The following TBC1D5 variants were observed in gnomAD, a reference collection of about 807,000 sequenced individuals.
TBC1D5 encodes TBC1 domain family, member 5.
TBC1D5 carries 75 observed loss-of-function variants against 100.3 expected under a neutral mutation model. The ratio of observed to expected loss-of-function variants is 0.75; its 90% confidence interval spans 0.62 to 0.91. The LOEUF (loss-of-function observed/expected upper bound fraction) is 0.91, where lower values mean the gene tolerates loss of function less well. Among genes scored for constraint, TBC1D5 ranks in the 40% least tolerant of loss-of-function variants. The pLI is 0.00. For synonymous variants in TBC1D5, 323 were observed against 325.6 expected, an observed-to-expected ratio of 0.99 and a Z score of 0.09; for missense variants, 910 against 942.4, an observed-to-expected ratio of 0.97 and a Z score of 0.45.
Position 17,499,486 on chromosome 3 carries a change from T to A in TBC1D5, c.97+8988A>T, listed in dbSNP as rs538734524. ...ACTTTGGGAGGCCCATGTGGGCGGA[T>A]CACTTGAGACCAGCCTGGGCAACAT... On this transcript the variant is annotated intron_variant, in intron 3 of 21. Transcript: ENST00000253692. 3.6e-5 allele frequency among the ~76,000 whole-genome samples: 5 copies of A among 139,762 alleles called. No individual in the cohort carries two copies. In the South Asian group the frequency reaches 1.1e-3, roughly 31 times the overall value. 91.7% of individuals were successfully genotyped at this position (139,762 alleles called of 152,430 possible). A position where few individuals can be genotyped will look rare whatever the true frequency, so the allele number is the denominator to read the frequency against.
chr3:17,325,610 C>T (rs2086002237), intron 13 of TBC1D5, among the ~76,000 whole-genome samples: 1 of 152,120 alleles, frequency 6.6e-6, no homozygotes. Flanking sequence ...GCATGAGCCA[C>T]CGCGCCTGGC....
intron 1 of TBC1D5, among the ~76,000 whole-genome samples, chr3:17,734,476 A>T (rs959894059): frequency 6.6e-6 from 1 of 152,184 alleles, no homozygotes; most frequent in Non-Finnish European, 1.5e-5. Flanking sequence ...TTCTAGAATA[A>T]CTGCAAAACC....
intron 16 of TBC1D5, among the ~76,000 whole-genome samples, chr3:17,241,187 T>G (rs1477003238): frequency 2.0e-5 from 3 of 152,126 alleles, no homozygotes; most frequent in Non-Finnish European, 1.5e-5. Flanking sequence ...GGCATAACAG[T>G]TTTTATACCA....
At chr3:17,354,689 C>A (rs1380576397) in intron 13 of TBC1D5, among the ~76,000 whole-genome samples, 3 of 149,962 alleles carry the variant, frequency 2.0e-5, no homozygotes, top group Non-Finnish European at 4.4e-5. Flanking sequence ...GTAATTTTTA[C>A]AACTAGAGGA....
chr3:17,688,204 T>C (rs1347420225), intron 1 of TBC1D5, among the ~76,000 whole-genome samples: 1 of 152,032 alleles, frequency 6.6e-6, no homozygotes, highest in Non-Finnish European at 1.5e-5. Flanking sequence ...TTCATATCAA[T>C]ATACATATAT....
chr3:17,285,887 T>C (rs1451898078), intron 15 of TBC1D5, among the ~76,000 whole-genome samples: 2 of 152,204 alleles, frequency 1.3e-5, no homozygotes, highest in African/African-American at 2.4e-5. Flanking sequence ...GCATTGTACA[T>C]TGTACATTAT....
At chr3:17,266,406 C>T (rs1314780229) in intron 15 of TBC1D5, among the ~76,000 whole-genome samples, 2 of 152,056 alleles carry the variant, frequency 1.3e-5, no homozygotes, top group Non-Finnish European at 2.9e-5. Context: ...TCTTATTCTT[C>T]ATTTATCCAA....
intron 13 of TBC1D5, among the ~76,000 whole-genome samples, chr3:17,332,685 G>A (rs1239590168): frequency 6.6e-6 from 1 of 151,650 alleles, no homozygotes; most frequent in South Asian, 2.1e-4. Context: ...AATTAGAAGG[G>A]GGGTAATTCA....
At chr3:17,163,365 C>T (rs1041078654) in intron 21 of TBC1D5, among the ~76,000 whole-genome samples, 3 of 151,926 alleles carry the variant, frequency 2.0e-5, no homozygotes, top group African/African-American at 7.3e-5. Flanking sequence ...CCCCACTCTT[C>T]TGGACTCCCA....
chr3:17,640,418 AG>A (rs926229135), intron 1 of TBC1D5, among the ~76,000 whole-genome samples: 2 of 152,164 alleles, frequency 1.3e-5, no homozygotes, highest in African/African-American at 4.8e-5. Context: ...TAATTATGAT[AG>A]GGAATCTCAG....
At chr3:17,392,372 A>T (rs1183384717) in intron 8 of TBC1D5, among the ~76,000 whole-genome samples, 2 of 151,662 alleles carry the variant, frequency 1.3e-5, no homozygotes, top group African/African-American at 4.8e-5. Flanking sequence ...CCTTTTTTTA[A>T]AAAAAAATTA....
chr3:17,259,986 C>A (rs959355721), intron 15 of TBC1D5, among the ~76,000 whole-genome samples: 2 of 152,250 alleles, frequency 1.3e-5, no homozygotes, highest in African/African-American at 2.4e-5. Flanking sequence ...ATGAAGATAA[C>A]TGATGCTTCC....
intron 12 of TBC1D5, 57 bp from the exon 13 acceptor site, chr3:17,372,304 G>T (rs2092506478): frequency 2.1e-6 from 3 of 1,423,552 alleles, no homozygotes; most frequent in Non-Finnish European, 2.8e-6. Context: ...TAAATATATG[G>T]ATGTCATTCT....
chr3:17,693,797 C>T (rs999462327), intron 1 of TBC1D5, among the ~76,000 whole-genome samples: 5 of 152,190 alleles, frequency 3.3e-5, no homozygotes, highest in African/African-American at 1.2e-4. Context: ...TCCCTGAACC[C>T]GTGTAGCCAA....
At chr3:17,648,251 A>G (rs1293861952) in intron 1 of TBC1D5, among the ~76,000 whole-genome samples, 1 of 152,178 alleles carries the variant, frequency 6.6e-6, no homozygotes, top group African/African-American at 2.4e-5. Flanking sequence ...TATTCAATAA[A>G]TGGTGCTGGG....
At chr3:17,326,744 G>T (rs537161460) in intron 13 of TBC1D5, among the ~76,000 whole-genome samples, 1 of 152,310 alleles carries the variant, frequency 6.6e-6, no homozygotes, top group South Asian at 2.1e-4. Context: ...AAAGTCCTGA[G>T]ATTGCTGGCA....
chr3:17,297,562 C>A (rs545509873), intron 14 of TBC1D5, among the ~76,000 whole-genome samples: 2 of 145,184 alleles, frequency 1.4e-5, no homozygotes, highest in Non-Finnish European at 1.5e-5. Context: ...GGTGACAGAG[C>A]GAGACTCCTA....
At chr3:17,654,843 T>C (rs1040040957) in intron 1 of TBC1D5, among the ~76,000 whole-genome samples, 58 of 152,270 alleles carry the variant, frequency 3.8e-4, no homozygotes, top group African/African-American at 1.4e-3. Context: ...TCAGAGCCTG[T>C]TATTGGTCTA....
intron 16 of TBC1D5, among the ~76,000 whole-genome samples, chr3:17,247,614 C>CA (rs2076844858): frequency 6.6e-6 from 1 of 152,064 alleles, no homozygotes; most frequent in Non-Finnish European, 1.5e-5. Flanking sequence ...AATAAGACAA[C>CA]AATGAAGTTG....
Sources: gnomAD v4.1 joint callset for allele counts (sites outside exome capture counted in the v4.1 genomes callset) on GRCh38, gnomAD v4.1.1 for gene constraint, MANE v1.5 for transcripts, NCBI Gene and HGNC (gene_info 2026-07-23, HGNC 2026-07-21) for gene names.